Variants in LIN7A observed in about 807,000 individuals in gnomAD.
LIN7A encodes the protein protein lin-7 homolog A.
A neutral mutation model predicts 29.8 loss-of-function variants in LIN7A; 25 were observed. That is an observed-to-expected ratio of 0.84 (90% confidence interval 0.61 to 1.17). The LOEUF (loss-of-function observed/expected upper bound fraction) is 1.17, where lower values mean the gene tolerates loss of function less well. LIN7A is among the 50% of genes most tolerant of loss of function. The probability of loss-of-function intolerance (pLI) is 0.00; values close to 1 mark genes in which losing one functional copy is unlikely to be tolerated. For synonymous variants in LIN7A, 118 were observed against 107.5 expected (o/e 1.10, Z -0.60); for missense variants, 239 against 287.0 (o/e 0.83, Z 1.21).
intron 5 of LIN7A, among the ~76,000 whole-genome samples, chr12:80,809,112 A>G (rs930505020): frequency 1.3e-5 from 2 of 151,990 alleles, no homozygotes; most frequent in African/African-American, 4.8e-5. Flanking sequence ...CAGCCTCCCA[A>G]GTAGCTGGGG....
intron 2 of LIN7A, among the ~76,000 whole-genome samples, chr12:80,867,070 G>T (rs879288729): frequency 6.6e-6 from 1 of 151,724 alleles, no homozygotes; most frequent in Non-Finnish European, 1.5e-5. Flanking sequence ...CTCTTGCCTC[G>T]CCCCCCAAGT....
At chr12:80,804,617 C>T (rs1280090981) in intron 5 of LIN7A, among the ~76,000 whole-genome samples, 1 of 152,006 alleles carries the variant, frequency 6.6e-6, no homozygotes, top group Non-Finnish European at 1.5e-5. Context: ...TGGCTCACTG[C>T]AACCTCCAGC....
intron 1 of LIN7A, among the ~76,000 whole-genome samples, chr12:80,889,648 C>T (rs575563907): frequency 1.3e-5 from 2 of 152,230 alleles, no homozygotes; most frequent in South Asian, 4.1e-4. Context: ...GAGTTGGACA[C>T]ATGTCTATTA....
intron 1 of LIN7A, among the ~76,000 whole-genome samples, chr12:80,930,294 T>G (rs953923630): frequency 1.9e-4 from 29 of 152,202 alleles, no homozygotes; most frequent in African/African-American, 6.8e-4. Flanking sequence ...CAGGCATATT[T>G]ATTTTTATTG....
intron 2 of LIN7A, among the ~76,000 whole-genome samples, chr12:80,875,366 G>T (rs1366886565): frequency 6.6e-6 from 1 of 152,122 alleles, no homozygotes; most frequent in Non-Finnish European, 1.5e-5. Context: ...GGCAAAGAAA[G>T]CATAGCACTA....
intron 2 of LIN7A, among the ~76,000 whole-genome samples, chr12:80,873,578 T>C (rs1473934197): frequency 3.3e-5 from 5 of 151,952 alleles, no homozygotes; most frequent in African/African-American, 1.2e-4. Context: ...ACATTCTGAT[T>C]TTAAATGAGA....
chr12:80,880,760 CACACACACACACACAT>C (rs1874982245), intron 2 of LIN7A, among the ~76,000 whole-genome samples: 1 of 138,836 alleles, frequency 7.2e-6, no homozygotes, highest in African/African-American at 2.6e-5. Flanking sequence ...CGCACACACA[CACACACACACACACAT>C]ACACACACAC....
intron 2 of LIN7A, among the ~76,000 whole-genome samples, chr12:80,864,068 T>C (rs1874013506): frequency 6.6e-6 from 1 of 152,184 alleles, no homozygotes; most frequent in African/African-American, 2.4e-5. Flanking sequence ...ACATGACTTA[T>C]ACAGATATTT....
intron 1 of LIN7A, among the ~76,000 whole-genome samples, chr12:80,921,833 T>G (rs1877324359): frequency 6.6e-6 from 1 of 152,182 alleles, no homozygotes; most frequent in African/African-American, 2.4e-5. Context: ...TCAGAAGAAA[T>G]TAATGTCTGC....
At chr12:80,844,731 G>T (rs573211305) in intron 4 of LIN7A, among the ~76,000 whole-genome samples, 156 of 152,094 alleles carry the variant, frequency 1.0e-3, no homozygotes, top group African/African-American at 3.6e-3. Flanking sequence ...AATTTCTTTA[G>T]CAACTCCTTA....
At chr12:80,827,225 A>C (rs1452028603) in intron 4 of LIN7A, among the ~76,000 whole-genome samples, 1 of 152,030 alleles carries the variant, frequency 6.6e-6, no homozygotes, top group Non-Finnish European at 1.5e-5. Flanking sequence ...ATCTCTACTA[A>C]AAATACAAAA....
intron 5 of LIN7A, among the ~76,000 whole-genome samples, chr12:80,806,177 C>T (rs564239602): frequency 1.3e-5 from 2 of 152,034 alleles, no homozygotes; most frequent in East Asian, 1.9e-4. Flanking sequence ...TTTTTGTTCC[C>T]GGTTTTGGGT....
intron 2 of LIN7A, among the ~76,000 whole-genome samples, chr12:80,878,306 C>A (rs1294454966): frequency 6.6e-6 from 1 of 152,224 alleles, no homozygotes. Flanking sequence ...TCAGAGAAAG[C>A]TGCAGAAATA....
chr12:80,918,123 T>C (rs767848401), intron 1 of LIN7A, among the ~76,000 whole-genome samples: 12 of 152,090 alleles, frequency 7.9e-5, no homozygotes, highest in Non-Finnish European at 1.2e-4. Flanking sequence ...TCACTGCTCA[T>C]TGCAGCCTTG....
chr12:80,842,207 C>T, intron 4 of LIN7A: 1 of 1,018,830 alleles, frequency 9.8e-7, no homozygotes, highest in Non-Finnish European at 1.3e-6. Flanking sequence ...CTTTCCATCA[C>T]ACTTTATAAC....
intron 2 of LIN7A, among the ~76,000 whole-genome samples, chr12:80,876,052 T>C (rs1044031740): frequency 6.8e-6 from 1 of 148,118 alleles, no homozygotes; most frequent in South Asian, 2.2e-4. Flanking sequence ...ATTATTTTTA[T>C]ACACACACAC....
chr12:80,909,085 A>C (rs1246668397), intron 1 of LIN7A, among the ~76,000 whole-genome samples: 1 of 152,028 alleles, frequency 6.6e-6, no homozygotes, highest in African/African-American at 2.4e-5. Flanking sequence ...TCTATTTTAA[A>C]ATAATATTGG....
At chr12:80,908,259 A>G (rs548864467) in intron 1 of LIN7A, among the ~76,000 whole-genome samples, 58 of 152,254 alleles carry the variant, frequency 3.8e-4, no homozygotes, top group Admixed American at 2.9e-3. Context: ...ATTGCTATAT[A>G]TACAAACGTG....
chr12:80,818,297 C>G (rs912027738), intron 4 of LIN7A, among the ~76,000 whole-genome samples: 1 of 152,058 alleles, frequency 6.6e-6, no homozygotes, highest in Non-Finnish European at 1.5e-5. Context: ...TGTGTGTGTT[C>G]ATACATATAA....
Sources: gnomAD v4.1 joint callset for allele counts (sites outside exome capture counted in the v4.1 genomes callset) on GRCh38, gnomAD v4.1.1 for gene constraint, MANE v1.5 for transcripts, NCBI Gene and HGNC (gene_info 2026-07-23, HGNC 2026-07-21) for gene names.